The following CAPRIN2 variants were observed in gnomAD, a reference collection of about 807,000 sequenced individuals.
CAPRIN2 encodes the protein caprin family member 2.
In CAPRIN2, 66 loss-of-function variants were observed where a neutral mutation model predicts 130.4. The observed-to-expected ratio is 0.51, with a 90% CI of 0.42 to 0.62. The LOEUF is 0.62. Among genes scored for constraint, CAPRIN2 ranks in the 20% least tolerant of loss-of-function variants. CAPRIN2 has a pLI of 0.00. For missense variants in CAPRIN2, 1,185 were observed against 1,246.6 expected, an observed-to-expected ratio of 0.95 and a Z score of 0.74; for synonymous variants, 471 against 444.1, an observed-to-expected ratio of 1.06 and a Z score of -0.76.
chr12:30,735,753 TTTTTTAAATAA>T (rs1275756203), intron 3 of CAPRIN2, among the ~76,000 whole-genome samples: 1 of 152,156 alleles, frequency 6.6e-6, no homozygotes, highest in African/African-American at 2.4e-5. Context: ...AAATTAAAAA[TTTTTTAAATAA>T]TAATTTGCCC....
At chr12:30,736,641 A>C (rs1031748822) in intron 3 of CAPRIN2, among the ~76,000 whole-genome samples, 28 of 152,186 alleles carry the variant, frequency 1.8e-4, no homozygotes, top group Non-Finnish European at 7.4e-5. Flanking sequence ...GAAGATATAA[A>C]ATTTTCAGAA....
At chr12:30,717,029 T>A (rs548553005) in intron 12 of CAPRIN2, among the ~76,000 whole-genome samples, 3 of 152,196 alleles carry the variant, frequency 2.0e-5, no homozygotes, top group Non-Finnish European at 4.4e-5. Context: ...GAAAACAGTA[T>A]GCTGCCTTTT....
upstream of CAPRIN2, chr12:30,754,674 C>T (rs2075478656): frequency 6.5e-6 from 1 of 152,764 alleles, no homozygotes; most frequent in East Asian, 1.9e-4. Flanking sequence ...GCGCCGGCCG[C>T]CCAGACCTGC....
At chr12:30,713,759 C>A in intron 15 of CAPRIN2, 26 bp downstream of exon 17, 1 of 1,293,990 alleles carries the variant, frequency 7.7e-7, no homozygotes, top group South Asian at 1.2e-5. Context: ...TACCACTATT[C>A]AACTATGACA....
At chr12:30,753,254 G>C in intron 1 of CAPRIN2, 90 bp downstream of exon 2, 1 of 1,080,708 alleles carries the variant, frequency 9.3e-7, no homozygotes, top group East Asian at 2.4e-5. Context: ...TAAATTTTTA[G>C]TAGAGAACAC....
At position 30,729,050 on chromosome 12, in the gene CAPRIN2, C is replaced by T. The variant is rs764080117; in HGVS notation, c.1380G>A (p.Gln460=). 13 of 1,613,968 alleles carry T rather than the reference C, an allele frequency of 8.1e-6. No homozygotes were observed. The South Asian group carries it at 1.4e-4, about 18-fold the overall frequency. The stretch of plus-strand genomic sequence containing the variant: ...GAGATGGCTTGGATTTGGAGATCTC[C>T]TGCTTCTTCTGCTCTTCCGGCAGAG... Residue 460 remains glutamine, a synonymous_variant, in exon 8 of 17, where the codon CAG becomes CAA. Transcript: ENST00000298892.
chr12:30,745,347 A>C (rs1006235334), intron 2 of CAPRIN2, among the ~76,000 whole-genome samples: 1 of 152,208 alleles, frequency 6.6e-6, no homozygotes, highest in African/African-American at 2.4e-5. Context: ...TTATAAAGTT[A>C]TATTAAATTA....
At chr12:30,743,904 C>G (rs1251113653) in intron 2 of CAPRIN2, among the ~76,000 whole-genome samples, 1 of 152,128 alleles carries the variant, frequency 6.6e-6, no homozygotes, top group Non-Finnish European at 1.5e-5. Context: ...TTTCTATCGG[C>G]TAAACTTCTC....
At chr12:30,752,769 AC>A (rs202183032) in intron 1 of CAPRIN2, among the ~76,000 whole-genome samples, 1 of 115,278 alleles carries the variant, frequency 8.7e-6, no homozygotes, top group Middle Eastern at 4.2e-3. Context: ...AGTCTGTTTC[AC>A]AGGCTACATG....
At chr12:30,744,052 C>G (rs889532189) in intron 2 of CAPRIN2, among the ~76,000 whole-genome samples, 1 of 152,142 alleles carries the variant, frequency 6.6e-6, no homozygotes, top group Admixed American at 6.5e-5. Context: ...AGTGGTCCCA[C>G]GTTTAATAAA....
At chr12:30,735,731 G>A (rs978892710) in intron 3 of CAPRIN2, among the ~76,000 whole-genome samples, 2 of 152,136 alleles carry the variant, frequency 1.3e-5, no homozygotes, top group African/African-American at 4.8e-5. Context: ...ATGTTATTTT[G>A]TTTCAGAAGT....
intron 5 of CAPRIN2, among the ~76,000 whole-genome samples, chr12:30,733,122 T>C (rs933730308): frequency 2.6e-5 from 4 of 152,122 alleles, no homozygotes; most frequent in African/African-American, 9.7e-5. Context: ...GTACTTCATG[T>C]CCAGTCATTT....
chr12:30,714,098 A>T (rs1437540873), intron 14 of CAPRIN2, among the ~76,000 whole-genome samples: 2 of 152,204 alleles, frequency 1.3e-5, no homozygotes, highest in African/African-American at 4.8e-5. Context: ...TTATAAATTT[A>T]CTACTGCTAA....
At chr12:30,724,503 A>G (rs1285671243) in intron 9 of CAPRIN2, 52 bp from the exon 11 acceptor site, 1 of 1,195,442 alleles carries the variant, frequency 8.4e-7, no homozygotes, top group Non-Finnish European at 1.2e-6. Context: ...CTCATTTAAA[A>G]GCTATTACCA....
At chr12:30,715,426 A>T in intron 13 of CAPRIN2, 1 of 509,430 alleles carries the variant, frequency 2.0e-6, no homozygotes, top group Non-Finnish European at 3.8e-6. Context: ...CAAAAGCACA[A>T]ATATTGTATA....
At chr12:30,711,528 G>A in intron 16 of CAPRIN2, 38 bp downstream of exon 18, 1 of 1,497,266 alleles carries the variant, frequency 6.7e-7, no homozygotes, top group Non-Finnish European at 9.3e-7. Context: ...CTAGAGACAT[G>A]TGCTGGGTAA....
At chr12:30,751,206 T>C (rs1227748300) in intron 1 of CAPRIN2, 73 bp from the exon 3 acceptor site, 5 of 1,207,052 alleles carry the variant, frequency 4.1e-6, no homozygotes, top group East Asian at 4.7e-5. Context: ...ATGCCAGATC[T>C]TGTCTCTAGG....
intron 1 of CAPRIN2, among the ~76,000 whole-genome samples, chr12:30,752,396 G>A (rs1396094931): frequency 1.3e-4 from 20 of 152,220 alleles, no homozygotes; most frequent in Admixed American, 1.3e-3. Flanking sequence ...TCCTCCACCT[G>A]AGGGAGGCTC....
chr12:30,730,969 A>C (rs879917800), intron 6 of CAPRIN2, among the ~76,000 whole-genome samples: 3 of 152,148 alleles, frequency 2.0e-5, no homozygotes, highest in Admixed American at 2.0e-4. Context: ...TTTCGACCTT[A>C]GGTTAATTAC....
Sources: allele counts gnomAD v4.1 joint callset (sites outside exome capture counted in the v4.1 genomes callset), GRCh38; gene constraint gnomAD v4.1.1; transcripts MANE v1.5; gene names NCBI Gene and HGNC (gene_info 2026-07-23, HGNC 2026-07-21).